GRIN2B: variants seen among roughly 807,000 people sequenced by gnomAD.
The protein encoded by GRIN2B is glutamate receptor ionotropic, NMDA 2B.
A neutral mutation model predicts 114.5 loss-of-function variants in GRIN2B; 5 were observed. The ratio of observed to expected loss-of-function variants is 0.04; its 90% CI spans 0.02 to 0.09. The LOEUF is 0.09. Among genes scored for constraint, GRIN2B ranks in the 10% least tolerant of loss-of-function variants. The probability of loss-of-function intolerance (pLI) is 1.00; values close to 1 mark genes in which losing one functional copy is unlikely to be tolerated. For synonymous variants in GRIN2B, 787 were observed against 745.1 expected (o/e 1.06, Z -0.92); for missense variants, 1,108 against 1,943.5 (o/e 0.57, Z 8.08).
chr12:13,728,922 T>A (rs575428013), intron 4 of GRIN2B, among the ~76,000 whole-genome samples: 28 of 152,366 alleles, frequency 1.8e-4, no homozygotes, highest in Non-Finnish European at 2.9e-4. Context: ...ATTCACTTAT[T>A]TTCTGTTCTT....
chr12:13,591,182 C>T lies in GRIN2B; in HGVS notation c.2010+17421G>A, dbSNP rs114993712. 7.8e-3 allele frequency among the ~76,000 whole-genome samples: 1,186 copies of T among 152,206 alleles called. 20 individuals are homozygous for T. The highest frequency in any genetic ancestry group is 0.027 in the African/African-American group (1,124 of 41,548). Reference sequence around the variant, plus strand: ...CCTCCACCAGCCCTCCTACTCCCACCTCAAAATCTCACTGAAACAAGTGAG... The same window carrying T: ...CCTCCACCAGCCCTCCTACTCCCACTTCAAAATCTCACTGAAACAAGTGAG... On this transcript the variant is annotated intron_variant, in intron 10 of 13. Transcript: ENST00000609686.
intron 4 of GRIN2B, among the ~76,000 whole-genome samples, chr12:13,732,748 TG>T (rs1863106104): frequency 6.6e-6 from 1 of 152,238 alleles, no homozygotes; most frequent in Admixed American, 6.5e-5. Context: ...CTTTACCGTT[TG>T]TTGAAAATAT....
At chr12:13,874,786 A>T (rs1016963475) in intron 2 of GRIN2B, among the ~76,000 whole-genome samples, 1 of 152,230 alleles carries the variant, frequency 6.6e-6, no homozygotes, top group Non-Finnish European at 1.5e-5. Flanking sequence ...GGAGAAGCAC[A>T]GGAGCAGGGC....
chr12:13,561,133 A>G lies in GRIN2B; in HGVS notation c.*1650T>C, dbSNP rs1391818640. 4 of 152,076 alleles carry G rather than the reference A, an allele frequency of 2.6e-5. No homozygotes were observed. The highest frequency in any genetic ancestry group is 9.7e-5 in the African/African-American group (4 of 41,398). 9.4% of individuals were successfully genotyped at this position (152,076 alleles called of 1,614,324 possible). A position where few individuals can be genotyped will look rare whatever the true frequency, so the allele number is the denominator to read the frequency against. On this transcript the variant is annotated 3_prime_UTR_variant, in exon 14 of 14. Transcript: ENST00000609686. ...ATTCATTTCCCTTCTCAATTTTCCA[A>G]TGTTAAGTGAAGGGAGCATCAGTTC...
chr12:13,926,372 C>T (rs1316871645), intron 2 of GRIN2B, among the ~76,000 whole-genome samples: 1 of 152,156 alleles, frequency 6.6e-6, no homozygotes, highest in African/African-American at 2.4e-5. Context: ...GGTGTGTATC[C>T]TTAAGCCCAT....
chr12:13,673,518 T>C (rs1355974349), intron 5 of GRIN2B, among the ~76,000 whole-genome samples: 1 of 152,120 alleles, frequency 6.6e-6, no homozygotes, highest in South Asian at 2.1e-4. Flanking sequence ...TTTGGACTAA[T>C]CTGAAGGAGT....
At chr12:13,584,413 TATGA>T (rs1948890866) in intron 10 of GRIN2B, among the ~76,000 whole-genome samples, 1 of 152,210 alleles carries the variant, frequency 6.6e-6, no homozygotes, top group African/African-American at 2.4e-5. Context: ...AAGCTCTCAA[TATGA>T]ATGAATGAGT....
chr12:13,881,045 C>T (rs988344703), intron 2 of GRIN2B, among the ~76,000 whole-genome samples: 5 of 152,140 alleles, frequency 3.3e-5, no homozygotes, highest in South Asian at 4.1e-4. Context: ...CGCAGGTGTG[C>T]ATGCACATGT....
chr12:13,587,920 A>G (rs895533870), intron 10 of GRIN2B, among the ~76,000 whole-genome samples: 1 of 152,200 alleles, frequency 6.6e-6, no homozygotes, highest in African/African-American at 2.4e-5. Context: ...CATTAAAAGT[A>G]ATTATTTTTT....
At chr12:13,782,012 T>A (rs1181905281) in intron 3 of GRIN2B, among the ~76,000 whole-genome samples, 1 of 151,954 alleles carries the variant, frequency 6.6e-6, no homozygotes, top group Non-Finnish European at 1.5e-5. Flanking sequence ...CATCACAGAG[T>A]ATGTGTGTGA....
chr12:13,610,687 A>T (rs529116308), intron 9 of GRIN2B, among the ~76,000 whole-genome samples: 1 of 152,222 alleles, frequency 6.6e-6, no homozygotes, highest in Non-Finnish European at 1.5e-5. Flanking sequence ...AAGATTTTAT[A>T]AAATACTGCT....
intron 4 of GRIN2B, among the ~76,000 whole-genome samples, chr12:13,707,745 C>T (rs375707721): frequency 6.6e-6 from 1 of 151,424 alleles, no homozygotes; most frequent in South Asian, 2.1e-4. Context: ...GCTTTGTGGA[C>T]AGTAAAATTG....
chr12:13,680,161 T>C (rs1416047994), intron 4 of GRIN2B, among the ~76,000 whole-genome samples: 3 of 152,258 alleles, frequency 2.0e-5, no homozygotes, highest in East Asian at 3.9e-4. Context: ...AATGGCTATA[T>C]TAATCAATTT....
intron 2 of GRIN2B, among the ~76,000 whole-genome samples, chr12:13,885,234 T>C (rs1425784540): frequency 6.6e-6 from 1 of 152,196 alleles, no homozygotes; most frequent in East Asian, 1.9e-4. Context: ...TATATCAATT[T>C]CCAGATTTTA....
chr12:13,638,712 G>C (rs1949686586), intron 5 of GRIN2B, among the ~76,000 whole-genome samples: 1 of 152,082 alleles, frequency 6.6e-6, no homozygotes, highest in Non-Finnish European at 1.5e-5. Context: ...GTCAGCCCTT[G>C]ACACTAAAAA....
intron 2 of GRIN2B, among the ~76,000 whole-genome samples, chr12:13,943,074 C>T (rs1186946610): frequency 6.6e-6 from 1 of 152,084 alleles, no homozygotes; most frequent in Non-Finnish European, 1.5e-5. Context: ...GGGGACCTGA[C>T]TTCTAGCCTT....
At chr12:13,610,272 C>T (rs1309131039) in intron 9 of GRIN2B, among the ~76,000 whole-genome samples, 4 of 152,170 alleles carry the variant, frequency 2.6e-5, no homozygotes, top group Non-Finnish European at 4.4e-5. Context: ...TAAAGTGGCC[C>T]CATGTTGAAT....
At chr12:13,935,879 A>G (rs749937166) in intron 2 of GRIN2B, among the ~76,000 whole-genome samples, 1 of 152,232 alleles carries the variant, frequency 6.6e-6, no homozygotes, top group Non-Finnish European at 1.5e-5. Context: ...AATAAGCGGC[A>G]TAAGACTTTG....
At position 13,615,094 on chromosome 12, in the gene GRIN2B, C is replaced by T. The variant is rs1160819541; in HGVS notation, c.1654+20G>A. ...CCATCCATACGTCCATTTCCTTCCA[C>T]CAGCAAACCCATCATTTACCTAAGA... On this transcript the variant is annotated intron_variant, in intron 8 of 13. Coordinates refer to ENST00000609686, the MANE Select transcript of GRIN2B (RefSeq NM_000834.5). The surrounding 1 kb of genome is among the most constrained non-coding windows in gnomAD (Gnocchi z 5.8). The T allele has an allele frequency of 6.2e-7, 1 of 1,605,718 alleles. No individual in the cohort carries two copies. The highest frequency in any genetic ancestry group is 8.5e-7 in the Non-Finnish European group (1 of 1,172,298).
Sources: gnomAD v4.1 joint callset for allele counts (sites outside exome capture counted in the v4.1 genomes callset) on GRCh38, gnomAD v4.1.1 for gene constraint, Gnocchi (gnomAD v3.1) non-coding constraint, MANE v1.5 for transcripts, NCBI Gene and HGNC (gene_info 2026-07-23, HGNC 2026-07-21) for gene names.